NEMP2: variants seen among roughly 807,000 people sequenced by gnomAD.
The protein encoded by NEMP2 is nuclear envelope integral membrane protein 2, also known as UPF0571 transmembrane protein.
Under a neutral mutation model 54.2 loss-of-function variants are expected in NEMP2, and 53 were observed. The observed-to-expected ratio is 0.98, with a 90% CI of 0.78 to 1.23. The LOEUF (loss-of-function observed/expected upper bound fraction) is 1.23. NEMP2 is among the 50% of genes most tolerant of loss of function. The pLI is 0.00. For missense variants in NEMP2, 455 were observed against 511.3 expected, an observed-to-expected ratio of 0.89 and a Z score of 1.06; for synonymous variants, 197 against 190.3, an observed-to-expected ratio of 1.04 and a Z score of -0.29.
the NEMP2 span, among the ~76,000 whole-genome samples, chr2:190,471,464 G>T: frequency 5.9e-5 from 9 of 152,222 alleles, no homozygotes; most frequent in African/African-American, 1.4e-4. This position sits in a 1 kb window ranked among gnomAD's most constrained non-coding sequence, Gnocchi z 4.7. Flanking sequence ...GGCTTGGAGG[G>T]TCCTACGCCC....
At chr2:190,600,764 G>A in the NEMP2 span, among the ~76,000 whole-genome samples, 1 of 152,196 alleles carries the variant, frequency 6.6e-6, no homozygotes. This position sits in a 1 kb window ranked among gnomAD's most constrained non-coding sequence, Gnocchi z 4.9. Flanking sequence ...AAAATTGTGA[G>A]CCAAATAAGC....
chr2:190,599,352 G>A, the NEMP2 span, among the ~76,000 whole-genome samples: 1 of 152,120 alleles, frequency 6.6e-6, no homozygotes. Context: ...AAGCTTTTGG[G>A]CTAAACTTTT....
rs1691049553 is a variant in NEMP2 at position 190,529,100 on chromosome 2, C to A, written c.98-3722G>T. ...GCTCATGCCTGTAATTTCGCTTGAA[C>A]CTGGGAGGCGAGGTTGCAGTGAGCT... On this transcript the variant is annotated intron_variant, in intron 1 of 8. Transcript: ENST00000409150. The surrounding 1 kb of genome is among the most constrained non-coding windows in gnomAD (Gnocchi z 4.7). Among the ~76,000 whole-genome samples, 1 of 152,070 alleles carries A rather than the reference C, an allele frequency of 6.6e-6. No homozygotes were observed. Among genetic ancestry groups the A allele is most frequent in the Non-Finnish European group, 1.5e-5 (1 of 68,000 alleles).
chr2:190,436,956 A>T, the NEMP2 span: 1 of 1,614,230 alleles, frequency 6.2e-7, no homozygotes, highest in Non-Finnish European at 8.5e-7. This position sits in a 1 kb window ranked among gnomAD's most constrained non-coding sequence, Gnocchi z 5.3. Context: ...TCACAATCGT[A>T]GACACGGTCA....
rs1353583778 is a variant in NEMP2 at position 190,527,684 on chromosome 2, T to C, written c.98-2306A>G. 2.6e-5 allele frequency among the ~76,000 whole-genome samples: 4 copies of C among 151,970 alleles called. No individual in the cohort carries two copies. The East Asian group carries it at 7.7e-4, about 29-fold the overall frequency. ...CCCTGGGGCCAAGGACCAATACCAGTCCATGGTCTGTTAGGAACAGGGCTG... is the reference window on the plus strand; with the variant it reads ...CCCTGGGGCCAAGGACCAATACCAGCCCATGGTCTGTTAGGAACAGGGCTG... On this transcript the variant is annotated intron_variant, in intron 1 of 8. Transcript: ENST00000409150. The surrounding 1 kb of genome is among the most constrained non-coding windows in gnomAD (Gnocchi z 4.0).
At chr2:190,484,359 A>T in the NEMP2 span, among the ~76,000 whole-genome samples, 21 of 152,236 alleles carry the variant, frequency 1.4e-4, no homozygotes, top group Non-Finnish European at 2.8e-4. Context: ...TCATCACATA[A>T]AGAATAATCA....
chr2:190,616,415 T>A, the NEMP2 span, among the ~76,000 whole-genome samples: 1 of 152,238 alleles, frequency 6.6e-6, no homozygotes, highest in Non-Finnish European at 1.5e-5. The surrounding 1 kb of genome is among the most constrained non-coding windows in gnomAD (Gnocchi z 5.1). Context: ...AGAGTTAATA[T>A]TTATGTCTAA....
upstream of NEMP2, among the ~76,000 whole-genome samples, chr2:190,536,496 T>C (rs955926245): frequency 2.6e-5 from 4 of 152,100 alleles, no homozygotes; most frequent in Non-Finnish European, 4.4e-5. Context: ...TTGGCTGCAA[T>C]GGGAAAGTGT....
At chr2:190,601,837 A>T in the NEMP2 span, among the ~76,000 whole-genome samples, 2 of 152,100 alleles carry the variant, frequency 1.3e-5, no homozygotes. This position sits in a 1 kb window ranked among gnomAD's most constrained non-coding sequence, Gnocchi z 5.8. Flanking sequence ...CAGTAGAAAT[A>T]AAAAAAATCA....
intron 1 of NEMP2, chr2:190,534,182 T>C (rs1691269885): frequency 1.9e-6 from 2 of 1,035,348 alleles, no homozygotes; most frequent in South Asian, 9.1e-5. Context: ...TGATGTACTG[T>C]ACAAAAGGCC....
the NEMP2 span, among the ~76,000 whole-genome samples, chr2:190,544,676 G>A: frequency 0.017 from 2,650 of 152,120 alleles, 28 homozygotes; most frequent in Middle Eastern, 0.031. Context: ...TAGTATTAAT[G>A]GGAAAAATAG....
chr2:190,594,157 G>A, the NEMP2 span, among the ~76,000 whole-genome samples: 1 of 151,968 alleles, frequency 6.6e-6, no homozygotes, highest in African/African-American at 2.4e-5. The surrounding 1 kb of genome is among the most constrained non-coding windows in gnomAD (Gnocchi z 5.6). Flanking sequence ...ACTCATCTTG[G>A]GTCTTTCCCT....
In NEMP2 at chr2:190,509,106, G is replaced by C; in HGVS notation, c.*83C>G. On this transcript the variant is annotated 3_prime_UTR_variant, in exon 9 of 9. Transcript: ENST00000409150. The surrounding 1 kb of genome is among the most constrained non-coding windows in gnomAD (Gnocchi z 6.1). ...CAAATGTTTTTGCCACCGTTCACTAGAACAGTTCTGCCTAACTTTAATAGA... is the reference window on the plus strand; with the variant it reads ...CAAATGTTTTTGCCACCGTTCACTACAACAGTTCTGCCTAACTTTAATAGA... The C allele has an allele frequency of 6.6e-7, 1 of 1,515,496 alleles. No homozygotes were observed. The highest frequency in any genetic ancestry group is 8.9e-7 in the Non-Finnish European group (1 of 1,127,424). The allele number at this position is 1,515,496 out of a possible 1,614,324, so 93.9% of individuals were successfully genotyped here.
chr2:190,607,696 C>T, the NEMP2 span: 1 of 152,248 alleles, frequency 6.6e-6, no homozygotes, highest in African/African-American at 2.4e-5. The surrounding 1 kb of genome is among the most constrained non-coding windows in gnomAD (Gnocchi z 5.2). Flanking sequence ...ACTATTTTAT[C>T]CATTTTCAAG....
At chr2:190,538,178 AG>A (rs1691439716), upstream of NEMP2, among the ~76,000 whole-genome samples, 1 of 142,972 alleles carries the variant, frequency 7.0e-6, no homozygotes, top group African/African-American at 2.5e-5. The surrounding 1 kb of genome is among the most constrained non-coding windows in gnomAD (Gnocchi z 4.1). Context: ...TATCTTCATA[AG>A]ATCCAGTTTT....
At position 190,521,353 on chromosome 2, in the gene NEMP2, G is replaced by A. The variant is rs1286098606; in HGVS notation, c.214-2170C>T. Among the ~76,000 whole-genome samples, 1 of 152,046 alleles carries A rather than the reference G, an allele frequency of 6.6e-6. No homozygotes were observed. The highest frequency in any genetic ancestry group is 1.5e-5 in the Non-Finnish European group (1 of 68,004). On this transcript the variant is annotated intron_variant, in intron 2 of 8. Transcript: ENST00000409150. This position sits in a 1 kb window ranked among gnomAD's most constrained non-coding sequence, Gnocchi z 6.2. ...GCACATGCTCTGCTTCCTGCCTGTGGGGAGGAAATTTCTTCCACAGAGGAA... is the reference window on the plus strand; with the variant it reads ...GCACATGCTCTGCTTCCTGCCTGTGAGGAGGAAATTTCTTCCACAGAGGAA...
chr2:190,440,779 A>T, the NEMP2 span, among the ~76,000 whole-genome samples: 1 of 152,210 alleles, frequency 6.6e-6, no homozygotes, highest in Non-Finnish European at 1.5e-5. Flanking sequence ...TACATTACCT[A>T]TTATTAGCCA....
chr2:190,604,072 ATG>A, the NEMP2 span, among the ~76,000 whole-genome samples: 2 of 152,368 alleles, frequency 1.3e-5, no homozygotes, highest in African/African-American at 4.8e-5. This position sits in a 1 kb window ranked among gnomAD's most constrained non-coding sequence, Gnocchi z 4.5. Context: ...AAATGAAAGA[ATG>A]TGTCGCACCT....
rs894196963 is a variant in NEMP2 at position 190,525,446 on chromosome 2, T to C, written c.98-68A>G. Reference sequence around the variant, plus strand: ...GCCCAGAATCTTTTTTAAAAAAAGTTTGCAGGGAGGTAACAGTAGCAGTTT... The same window carrying C: ...GCCCAGAATCTTTTTTAAAAAAAGTCTGCAGGGAGGTAACAGTAGCAGTTT... On this transcript the variant is annotated intron_variant, in intron 1 of 8. Coordinates refer to ENST00000409150, the MANE Select transcript of NEMP2 (RefSeq NM_001142645.2). The surrounding 1 kb of genome is among the most constrained non-coding windows in gnomAD (Gnocchi z 5.0). The C allele has an allele frequency of 1.1e-6, 1 of 893,856 alleles. No homozygotes were observed. Among genetic ancestry groups the C allele is most frequent in the Admixed American group, 2.5e-5 (1 of 40,258 alleles). 55.4% of individuals were successfully genotyped at this position (893,856 alleles called of 1,614,324 possible). A position where few individuals can be genotyped will look rare whatever the true frequency, so the allele number is the denominator to read the frequency against.
Sources: allele counts gnomAD v4.1 joint callset (sites outside exome capture counted in the v4.1 genomes callset), GRCh38; gene constraint gnomAD v4.1.1; non-coding constraint Gnocchi (gnomAD v3.1); transcripts MANE v1.5; gene names NCBI Gene and HGNC (gene_info 2026-07-23, HGNC 2026-07-21).